Variants in SGCD observed in about 807,000 individuals in gnomAD.
SGCD encodes sarcoglycan delta, also known as delta-sarcoglycan.
SGCD carries 18 observed loss-of-function variants against 36.6 expected under a neutral mutation model. The observed-to-expected ratio is 0.49, with a 90% CI of 0.34 to 0.73. The LOEUF is 0.73. Among genes scored for constraint, SGCD ranks in the 30% least tolerant of loss-of-function variants. SGCD has a pLI of 0.01. For missense variants in SGCD, 387 were observed against 346.7 expected, an observed-to-expected ratio of 1.12 and a Z score of -0.92; for synonymous variants, 133 against 130.6, an observed-to-expected ratio of 1.02 and a Z score of -0.12.
chr5:156,133,226 G>C (rs1041451685), intron 3 of SGCD, among the ~76,000 whole-genome samples: 1 of 152,184 alleles, frequency 6.6e-6, no homozygotes, highest in Non-Finnish European at 1.5e-5. Context: ...CAAACTGTAA[G>C]TGTTGACTCT....
chr5:155,849,004 CT>C, the SGCD span, among the ~76,000 whole-genome samples: 3 of 145,698 alleles, frequency 2.1e-5, no homozygotes, highest in African/African-American at 7.4e-5. Flanking sequence ...TATTAAATTC[CT>C]AAAGGCAAAT....
intron 1 of SGCD, among the ~76,000 whole-genome samples, chr5:156,049,325 T>C (rs1759857269): frequency 6.9e-6 from 1 of 145,920 alleles, no homozygotes; most frequent in South Asian, 2.2e-4. Flanking sequence ...TTTGGTTCCA[T>C]ATGAACTTTA....
At chr5:156,078,578 T>TA (rs1760861537) in intron 1 of SGCD, among the ~76,000 whole-genome samples, 4 of 94,220 alleles carry the variant, frequency 4.2e-5, no homozygotes, top group East Asian at 3.4e-4. Context: ...TATATTTATA[T>TA]TTATATATAT....
At chr5:156,274,258 C>A (rs578118869) in intron 3 of SGCD, among the ~76,000 whole-genome samples, 5 of 152,232 alleles carry the variant, frequency 3.3e-5, no homozygotes, top group African/African-American at 1.2e-4. Flanking sequence ...ATTAAAAATT[C>A]TCAACCAAAT....
At chr5:156,003,454 T>A (rs1758701576) in intron 1 of SGCD, among the ~76,000 whole-genome samples, 1 of 152,244 alleles carries the variant, frequency 6.6e-6, no homozygotes, top group South Asian at 2.1e-4. Context: ...GGAATTTATT[T>A]TCAAATGCTT....
intron 2 of SGCD, among the ~76,000 whole-genome samples, chr5:156,122,145 G>C (rs1762057636): frequency 6.6e-6 from 1 of 152,104 alleles, no homozygotes. Context: ...TTCAAACCAG[G>C]CTCAGCCACT....
At chr5:156,006,872 C>A (rs1401123804) in intron 1 of SGCD, among the ~76,000 whole-genome samples, 1 of 152,192 alleles carries the variant, frequency 6.6e-6, no homozygotes, top group Non-Finnish European at 1.5e-5. Flanking sequence ...TCCCAATCCC[C>A]CTTTTTTGGA....
At position 156,619,023 on chromosome 5, in the gene SGCD, C is replaced by CT. The variant is rs536840593; in HGVS notation, c.502+23987dup. On this transcript the variant is annotated intron_variant, in intron 6 of 8. Transcript: ENST00000337851. ...TGGCCGCTTTGAAGAGAGCCAATTC[C>CT]TTTTTTTTTTTTTTTCTTCTGAGAC... Among the ~76,000 whole-genome samples, 688 of 141,368 alleles carry CT rather than the reference C, an allele frequency of 4.9e-3. 6 individuals carry two copies. The highest frequency in any genetic ancestry group is 0.012 in the African/African-American group (467 of 37,382). The allele number at this position is 141,368 out of a possible 152,430, so 92.7% of individuals were successfully genotyped here.
At chr5:155,954,803 C>T (rs935016726) in intron 1 of SGCD, among the ~76,000 whole-genome samples, 10 of 152,008 alleles carry the variant, frequency 6.6e-5, no homozygotes, top group Non-Finnish European at 1.2e-4. Context: ...TTGGCTCATG[C>T]GATTATGCAC....
chr5:156,439,933 T>C (rs1753411150), intron 3 of SGCD, among the ~76,000 whole-genome samples: 1 of 152,134 alleles, frequency 6.6e-6, no homozygotes, highest in Admixed American at 6.6e-5. Flanking sequence ...CCAGAAAGCA[T>C]TGGAAACCCA....
intron 3 of SGCD, among the ~76,000 whole-genome samples, chr5:156,229,478 G>A (rs1427114220): frequency 6.6e-6 from 1 of 151,182 alleles, no homozygotes; most frequent in Non-Finnish European, 1.5e-5. Context: ...TGTTTGAGGA[G>A]ACTGAAGATA....
At chr5:156,641,574 C>A (rs1340778198) in intron 6 of SGCD, among the ~76,000 whole-genome samples, 1 of 152,152 alleles carries the variant, frequency 6.6e-6, no homozygotes, top group Non-Finnish European at 1.5e-5. Context: ...GGATTCAGAG[C>A]AGCTTCCTTT....
chr5:156,132,456 G>GTATTTTTTTT, intron 3 of SGCD, among the ~76,000 whole-genome samples: 1 of 73,586 alleles, frequency 1.4e-5, no homozygotes, highest in Non-Finnish European at 2.7e-5. Flanking sequence ...AACTTACCAA[G>GTATTTTTTTT]TCTTTTTTTT....
chr5:156,334,807 C>T (rs1056601440), intron 2 of SGCD, among the ~76,000 whole-genome samples: 1 of 151,980 alleles, frequency 6.6e-6, no homozygotes, highest in Non-Finnish European at 1.5e-5. Flanking sequence ...CCTTGAACAG[C>T]GTCAGGGGAG....
At chr5:155,834,011 G>C in the SGCD span, among the ~76,000 whole-genome samples, 3 of 152,202 alleles carry the variant, frequency 2.0e-5, no homozygotes, top group Admixed American at 2.0e-4. Context: ...TCATGGTGTG[G>C]CTATGGCCCT....
intron 1 of SGCD, among the ~76,000 whole-genome samples, chr5:155,873,535 G>A (rs1237669697): frequency 6.6e-6 from 1 of 152,118 alleles, no homozygotes; most frequent in Non-Finnish European, 1.5e-5. Context: ...GTGCCAGGGT[G>A]GTGCCGGAGG....
At chr5:156,446,617 A>C (rs1753765193) in intron 3 of SGCD, among the ~76,000 whole-genome samples, 1 of 152,338 alleles carries the variant, frequency 6.6e-6, no homozygotes, top group South Asian at 2.1e-4. Context: ...ATTCAAAAAC[A>C]GCGTCTTTAG....
rs77569402 is a variant in SGCD, at chr5:156,329,149, C to T, written c.-43-385C>T. On this transcript the variant is annotated intron_variant, in intron 1 of 8. Coordinates refer to ENST00000337851, the MANE Select transcript of SGCD (RefSeq NM_000337.6). ...ACATCTGAAGAGAAAAAGTAAGCAGCGGAAGGGGGAAGGATACAGAGGAAG... is the reference window on the plus strand; with the variant it reads ...ACATCTGAAGAGAAAAAGTAAGCAGTGGAAGGGGGAAGGATACAGAGGAAG... 8.7e-3 allele frequency among the ~76,000 whole-genome samples: 1,328 copies of T among 151,910 alleles called. 21 individuals are homozygous for T. Among genetic ancestry groups the T allele is most frequent in the African/African-American group, 0.03 (1,229 of 41,412 alleles).
At chr5:155,765,284 AAGAAAG>A in the SGCD span, among the ~76,000 whole-genome samples, 1 of 151,468 alleles carries the variant, frequency 6.6e-6, no homozygotes, top group Non-Finnish European at 1.5e-5. Flanking sequence ...TGTCGAAAGA[AAGAAAG>A]AGAAAGAAAG....
Sources: allele counts gnomAD v4.1 joint callset (sites outside exome capture counted in the v4.1 genomes callset), GRCh38; gene constraint gnomAD v4.1.1; transcripts MANE v1.5; gene names NCBI Gene and HGNC (gene_info 2026-07-23, HGNC 2026-07-21).